Variants in NCAM1 observed in about 807,000 individuals in gnomAD.
NCAM1 encodes antigen recognized by monoclonal antibody 5.1H11.
NCAM1 carries 14 observed loss-of-function variants against 109.8 expected under a neutral mutation model. The ratio of observed to expected loss-of-function variants is 0.13; its 90% CI spans 0.08 to 0.20. The LOEUF (loss-of-function observed/expected upper bound fraction) is 0.20. NCAM1 is among the 10% of genes least tolerant of loss of function. The probability of loss-of-function intolerance (pLI) is 1.00; values close to 1 mark genes in which losing one functional copy is unlikely to be tolerated. For missense variants in NCAM1, 774 were observed against 1,109.9 expected (o/e 0.70, Z 4.30); for synonymous variants, 418 against 442.9 (o/e 0.94, Z 0.70).
At chr11:113,022,502 C>T (rs1433235389) in intron 1 of NCAM1, among the ~76,000 whole-genome samples, 1 of 152,080 alleles carries the variant, frequency 6.6e-6, no homozygotes, top group Non-Finnish European at 1.5e-5. Context: ...TAAACTTGCG[C>T]AATAGTATTA....
intron 1 of NCAM1, among the ~76,000 whole-genome samples, chr11:113,163,924 G>T (rs1942689956): frequency 6.6e-6 from 1 of 152,114 alleles, no homozygotes; most frequent in African/African-American, 2.4e-5. Context: ...CACAAGGGAG[G>T]TGCTGGGTGC....
rs61104349 is a variant in NCAM1, at chr11:112,969,729, A to T, written c.52+8065A>T. ...TATTTTATTTGAAATGTTTGTTTAAAAAGGTGTACAGTACTCTGAATATGA... is the reference window on the plus strand; with the variant it reads ...TATTTTATTTGAAATGTTTGTTTAATAAGGTGTACAGTACTCTGAATATGA... On this transcript the variant is annotated intron_variant, in intron 1 of 19. Coordinates refer to ENST00000316851, the MANE Select transcript of NCAM1 (RefSeq NM_181351.5). Among the ~76,000 whole-genome samples, 6 of 152,306 alleles carry T rather than the reference A, an allele frequency of 3.9e-5. No individual in the cohort carries two copies. In the East Asian group the frequency reaches 1.2e-3, roughly 29 times the overall value.
At chr11:113,203,682 A>G (rs2136910191) in intron 2 of NCAM1, among the ~76,000 whole-genome samples, 1 of 152,378 alleles carries the variant, frequency 6.6e-6, no homozygotes, top group South Asian at 2.1e-4. Flanking sequence ...GCAGCATGCA[A>G]GGAAATGAAT....
Position 113,277,199 on chromosome 11 carries a change from C to T in NCAM1, c.*1812C>T. 1.0e-5 allele frequency: 4 copies of T among 397,488 alleles called. No individual in the cohort carries two copies. Among genetic ancestry groups the T allele is most frequent in the Non-Finnish European group, 1.3e-5 (3 of 225,580 alleles). The allele number at this position is 397,488 out of a possible 1,614,324, so 24.6% of individuals were successfully genotyped here. A position where few individuals can be genotyped will look rare whatever the true frequency, so the allele number is the denominator to read the frequency against. On this transcript the variant is annotated 3_prime_UTR_variant, in exon 20 of 20. Coordinates refer to ENST00000316851, the MANE Select transcript of NCAM1 (RefSeq NM_181351.5). Reference sequence around the variant, plus strand: ...GCAGCAAGAGGTTAGGGTGGCAAGGCTGCCTCTGGGTCCATTCTGTGGGCC... The same window carrying T: ...GCAGCAAGAGGTTAGGGTGGCAAGGTTGCCTCTGGGTCCATTCTGTGGGCC...
intron 1 of NCAM1, among the ~76,000 whole-genome samples, chr11:113,175,318 G>A (rs1178780462): frequency 3.3e-5 from 5 of 152,206 alleles, no homozygotes; most frequent in South Asian, 4.1e-4. Context: ...TTTGAATGAA[G>A]GTGGCAAGGG....
intron 1 of NCAM1, among the ~76,000 whole-genome samples, chr11:113,139,408 C>T (rs1941729324): frequency 1.3e-5 from 2 of 151,806 alleles, no homozygotes; most frequent in South Asian, 2.1e-4. Flanking sequence ...CATTTGTTTC[C>T]ACATGAAGTC....
intron 1 of NCAM1, among the ~76,000 whole-genome samples, chr11:113,096,999 C>T (rs543567907): frequency 1.3e-5 from 2 of 152,134 alleles, no homozygotes; most frequent in Non-Finnish European, 2.9e-5. Context: ...TTTGTTGAAC[C>T]CCCCCTGCCC....
chr11:113,090,519 T>C (rs1939293583), intron 1 of NCAM1, among the ~76,000 whole-genome samples: 1 of 152,210 alleles, frequency 6.6e-6, no homozygotes. Context: ...GAAGTAATGA[T>C]ATTTTCCTCC....
At chr11:113,259,705 T>TG (rs1404651630) in intron 16 of NCAM1, among the ~76,000 whole-genome samples, 2 of 149,014 alleles carry the variant, frequency 1.3e-5, no homozygotes, top group Non-Finnish European at 3.0e-5. Flanking sequence ...CATTGCTTTT[T>TG]TTTTTTTTTT....
chr11:112,997,498 TA>T (rs1951626899), intron 1 of NCAM1, among the ~76,000 whole-genome samples: 1 of 152,200 alleles, frequency 6.6e-6, no homozygotes, highest in Admixed American at 6.5e-5. Context: ...CAGTGTTCAT[TA>T]TTTTCAATTT....
intron 1 of NCAM1, among the ~76,000 whole-genome samples, chr11:113,104,232 G>T (rs1940041481): frequency 6.7e-6 from 1 of 149,666 alleles, no homozygotes; most frequent in Non-Finnish European, 1.5e-5. Flanking sequence ...GGTGGTGGTG[G>T]CGGTGCAGGG....
rs868917472 is a variant in NCAM1, at chr11:113,207,936, G to A, written c.850G>A (p.Glu284Lys). Residue 284 changes from glutamate to lysine, a missense_variant, in exon 7 of 20, where the codon GAG (glutamate) becomes AAG (lysine). Glu to Lys is a moderately conservative substitution (Grantham distance 56, BLOSUM62 1). This residue lies in a region of NCAM1 where 523 missense variants were observed against 784.2 expected (regional missense o/e 0.67). Coordinates refer to ENST00000316851, the MANE Select transcript of NCAM1 (RefSeq NM_181351.5). The part of the protein sequence containing the change: ...IKKVDKNDEA[E>K]YICIAENKAG... The stretch of plus-strand genomic sequence containing the variant: ...AAAGGTGGATAAGAACGACGAGGCT[G>A]AGTACATCTGCATTGCTGAGAACAA... 6.2e-7 allele frequency: 1 copy of A among 1,612,610 alleles called. No individual in the cohort carries two copies.
chr11:113,205,851 C>A (rs1349485469), intron 4 of NCAM1, among the ~76,000 whole-genome samples, 185 bp downstream of exon 4: 1 of 152,112 alleles, frequency 6.6e-6, no homozygotes, highest in Non-Finnish European at 1.5e-5. Flanking sequence ...ATTTTCTCTC[C>A]AGTACGAAAG....
intron 1 of NCAM1, among the ~76,000 whole-genome samples, chr11:113,177,708 A>G (rs1207433441): frequency 3.3e-5 from 5 of 152,148 alleles, no homozygotes; most frequent in Non-Finnish European, 7.3e-5. Flanking sequence ...TGCTGGGATT[A>G]CAGGCATGAG....
At chr11:113,089,974 C>T (rs1555089035) in intron 1 of NCAM1, among the ~76,000 whole-genome samples, 1 of 152,140 alleles carries the variant, frequency 6.6e-6, no homozygotes, top group Non-Finnish European at 1.5e-5. Flanking sequence ...GTATATTCAA[C>T]TTAATATTAT....
At chr11:112,975,231 T>C (rs142083696) in intron 1 of NCAM1, among the ~76,000 whole-genome samples, 1 of 152,200 alleles carries the variant, frequency 6.6e-6, no homozygotes, top group Non-Finnish European at 1.5e-5. Flanking sequence ...GACTTGGCAG[T>C]GATTTTGCAA....
At chr11:113,088,458 G>A (rs1298026439) in intron 1 of NCAM1, among the ~76,000 whole-genome samples, 1 of 152,150 alleles carries the variant, frequency 6.6e-6, no homozygotes, top group Non-Finnish European at 1.5e-5. Flanking sequence ...AAACCACATG[G>A]TGGGATTAGC....
At chr11:113,112,837 T>C (rs1272404201) in intron 1 of NCAM1, among the ~76,000 whole-genome samples, 2 of 152,036 alleles carry the variant, frequency 1.3e-5, no homozygotes, top group Non-Finnish European at 2.9e-5. Context: ...CCTTTTAAAG[T>C]CTCCATGAGT....
intron 1 of NCAM1, among the ~76,000 whole-genome samples, chr11:113,072,753 CTATAG>C: frequency 6.9e-6 from 1 of 144,728 alleles, no homozygotes; most frequent in Non-Finnish European, 1.5e-5. Flanking sequence ...TTTAACTTTG[CTATAG>C]TAAACTTTCT....
Sources: allele counts gnomAD v4.1 joint callset (sites outside exome capture counted in the v4.1 genomes callset), GRCh38; gene constraint gnomAD v4.1.1; regional missense constraint gnomAD v4.1.1; transcripts MANE v1.5; gene names NCBI Gene and HGNC (gene_info 2026-07-23, HGNC 2026-07-21).